RCBTB1: variants seen among roughly 807,000 people sequenced by gnomAD.
The protein encoded by RCBTB1 is RCC1 and BTB domain-containing protein 1.
Under a neutral mutation model 62.4 loss-of-function variants are expected in RCBTB1, and 46 were observed. That is an observed-to-expected ratio of 0.74 (90% confidence interval 0.58 to 0.94). The LOEUF (loss-of-function observed/expected upper bound fraction) is 0.94, where lower values mean the gene tolerates loss of function less well. Among genes scored for constraint, RCBTB1 ranks in the 40% least tolerant of loss-of-function variants. The pLI is 0.00. For synonymous variants in RCBTB1, 222 were observed against 245.8 expected, an observed-to-expected ratio of 0.90 and a Z score of 0.91; for missense variants, 565 against 654.9, an observed-to-expected ratio of 0.86 and a Z score of 1.50.
intron 8 of RCBTB1, 69 bp downstream of exon 8, chr13:49,551,257 A>G: frequency 6.4e-7 from 1 of 1,556,886 alleles, no homozygotes; most frequent in East Asian, 2.3e-5. Flanking sequence ...CAAACACCAC[A>G]GCTCTGCCAC....
intron 4 of RCBTB1, among the ~76,000 whole-genome samples, chr13:49,563,612 T>C (rs188296961): frequency 8.8e-4 from 134 of 152,184 alleles, no homozygotes; most frequent in Admixed American, 1.7e-3. Flanking sequence ...TGAGCTGAGA[T>C]CGTGCCACTG....
At chr13:49,567,021 A>G (rs1196627039) in intron 3 of RCBTB1, 133 bp downstream of exon 3, 4 of 843,632 alleles carry the variant, frequency 4.7e-6, no homozygotes, top group Admixed American at 2.8e-5. Flanking sequence ...AGAAACTATC[A>G]AAGCCATAGT....
chr13:49,561,099 C>G (rs900514455), intron 4 of RCBTB1, among the ~76,000 whole-genome samples: 1 of 152,156 alleles, frequency 6.6e-6, no homozygotes, highest in Non-Finnish European at 1.5e-5. Flanking sequence ...TCCACAGCAC[C>G]CCCGAGTGCC....
intron 2 of RCBTB1, among the ~76,000 whole-genome samples, chr13:49,574,900 T>C (rs1482306267): frequency 6.6e-6 from 1 of 151,164 alleles, no homozygotes; most frequent in African/African-American, 2.4e-5. Context: ...TAGAATATTA[T>C]TCACCCTTAG....
chr13:49,559,796 GTGAACATACTTAACACCAC>G (rs1177829270), intron 5 of RCBTB1, 103 bp downstream of exon 5: 13 of 828,734 alleles, frequency 1.6e-5, no homozygotes, highest in Non-Finnish European at 2.4e-5. Flanking sequence ...GTATGACAAG[GTGAACATACTTAACACCAC>G]TGAACTATAC....
chr13:49,551,529 T>G lies in RCBTB1; in HGVS notation c.712-61A>C, dbSNP rs544063377. On this transcript the variant is annotated intron_variant, in intron 7 of 12. Coordinates refer to ENST00000378302, the MANE Select transcript of RCBTB1 (RefSeq NM_018191.4). ...AAACAGGAAGGGCAGGGAGAACATC[T>G]ACTTAAAGGCTATAGCCAGCTTCTG... 3.1e-5 allele frequency: 50 copies of G among 1,588,882 alleles called. No individual in the cohort carries two copies. In the African/African-American group the frequency reaches 6.1e-4, roughly 19 times the overall value.
chr13:49,564,583 C>CAAAAAAAAAAAAAAAAAAA lies in RCBTB1; in HGVS notation c.277+2016_277+2034dup, dbSNP rs10710755. Among the ~76,000 whole-genome samples, 10 of 39,320 alleles carry CAAAAAAAAAAAAAAAAAAA rather than the reference C, an allele frequency of 2.5e-4. 1 individual carries two copies. In the South Asian group the frequency reaches 2.7e-3, roughly 11 times the overall value. The allele number at this position is 39,320 out of a possible 152,430, so 25.8% of individuals were successfully genotyped here. On this transcript the variant is annotated intron_variant, in intron 4 of 12. Coordinates refer to ENST00000378302, the MANE Select transcript of RCBTB1 (RefSeq NM_018191.4). ...CTGGAGACAGAGCGAGACTCCTTCT[C>CAAAAAAAAAAAAAAAAAAA]AAAAAAAAAAAAAAAAAAAAAAAAA...
intron 2 of RCBTB1, among the ~76,000 whole-genome samples, chr13:49,570,736 T>C (rs189899848): frequency 6.6e-6 from 1 of 152,348 alleles, no homozygotes; most frequent in East Asian, 1.9e-4. Flanking sequence ...AACGAATAAC[T>C]ATCCTGAACC....
At chr13:49,560,261 G>T (rs1284381557) in intron 4 of RCBTB1, among the ~76,000 whole-genome samples, 177 bp from the exon 5 acceptor site, 4 of 152,198 alleles carry the variant, frequency 2.6e-5, no homozygotes, top group Non-Finnish European at 5.9e-5. Context: ...GACAGAACGG[G>T]ATAGACAGAT....
At chr13:49,551,122 GA>G in intron 8 of RCBTB1, 1 of 514,982 alleles carries the variant, frequency 1.9e-6, no homozygotes. Flanking sequence ...GAAGGGAAGG[GA>G]AGGGGGGAGG....
At chr13:49,574,426 A>C (rs1176856157) in intron 2 of RCBTB1, among the ~76,000 whole-genome samples, 1 of 152,168 alleles carries the variant, frequency 6.6e-6, no homozygotes, top group Non-Finnish European at 1.5e-5. Context: ...GCCAGTCCCA[A>C]ATTTCTATAA....
At chr13:49,570,867 A>G (rs553474868) in intron 2 of RCBTB1, among the ~76,000 whole-genome samples, 14 of 152,330 alleles carry the variant, frequency 9.2e-5, no homozygotes, top group African/African-American at 3.4e-4. Context: ...TGAGGCTCAA[A>G]GGTGAAATGA....
rs139554128 is a variant in RCBTB1 at position 49,576,337 on chromosome 13, C to A, written c.-42+4168G>T. On this transcript the variant is annotated intron_variant, in intron 2 of 12. Coordinates refer to ENST00000378302, the MANE Select transcript of RCBTB1 (RefSeq NM_018191.4). ...AAATGGTAAATTTTACACTATATAC[C>A]TTTTACCCCAATTTTTTAAAATCAA... Among the ~76,000 whole-genome samples, 954 of 151,754 alleles carry A rather than the reference C, an allele frequency of 6.3e-3. 6 individuals carry two copies. The highest frequency in any genetic ancestry group is 0.02 in the African/African-American group (840 of 41,356).
intron 2 of RCBTB1, among the ~76,000 whole-genome samples, chr13:49,568,496 T>C (rs1039737011): frequency 6.6e-6 from 1 of 152,206 alleles, no homozygotes; most frequent in African/African-American, 2.4e-5. Context: ...ATTGAAGTAG[T>C]GGCCATATAT....
chr13:49,540,820 AGAC>A, intron 12 of RCBTB1, 53 bp downstream of exon 12: 1 of 1,568,258 alleles, frequency 6.4e-7, no homozygotes, highest in South Asian at 1.2e-5. Flanking sequence ...GAAGCGGGGG[AGAC>A]GAGCACAAAG....
At chr13:49,544,262 G>A (rs928991913) in intron 10 of RCBTB1, among the ~76,000 whole-genome samples, 1 of 152,130 alleles carries the variant, frequency 6.6e-6, no homozygotes, top group African/African-American at 2.4e-5. Flanking sequence ...CTGAGATCGG[G>A]AGTTCGAGAC....
chr13:49,565,858 T>C (rs1962948242), intron 4 of RCBTB1, among the ~76,000 whole-genome samples: 1 of 151,770 alleles, frequency 6.6e-6, no homozygotes, highest in Non-Finnish European at 1.5e-5. Context: ...AGAAATCAGA[T>C]TGTTGCTGTG....
intron 2 of RCBTB1, among the ~76,000 whole-genome samples, chr13:49,573,606 G>A (rs558784581): frequency 2.0e-5 from 3 of 151,458 alleles, no homozygotes; most frequent in South Asian, 4.2e-4. Context: ...CCACCATCAC[G>A]CCCGGCTAAT....
chr13:49,563,135 C>A lies in RCBTB1; in HGVS notation c.278-3051G>T, dbSNP rs144578675. Among the ~76,000 whole-genome samples, 164 of 151,340 alleles carry A rather than the reference C, an allele frequency of 1.1e-3. 2 individuals carry two copies. The East Asian group carries it at 0.028, about 26-fold the overall frequency. The stretch of plus-strand genomic sequence containing the variant: ...GCAAAAGTTGCCAGGCATAGTGGCT[C>A]ACACCTGTAATCCCAACACTTTGGG... On this transcript the variant is annotated intron_variant, in intron 4 of 12. Coordinates refer to ENST00000378302, the MANE Select transcript of RCBTB1 (RefSeq NM_018191.4).
Sources: gnomAD v4.1 joint callset for allele counts (sites outside exome capture counted in the v4.1 genomes callset) on GRCh38, gnomAD v4.1.1 for gene constraint, MANE v1.5 for transcripts, NCBI Gene and HGNC (gene_info 2026-07-23, HGNC 2026-07-21) for gene names.